Variants in AHI1 observed in about 807,000 individuals in gnomAD.
AHI1 encodes the protein Abelson helper integration site 1, also known as jouberin.
Under a neutral mutation model 149.3 loss-of-function variants are expected in AHI1, and 123 were observed. That is an observed-to-expected ratio of 0.82 (90% confidence interval 0.71 to 0.96). The LOEUF is 0.96. AHI1 is among the 40% of genes least tolerant of loss of function. AHI1 has a pLI of 0.00. For synonymous variants in AHI1, 475 were observed against 459.8 expected (o/e 1.03, Z -0.42); for missense variants, 1,439 against 1,422.7 (o/e 1.01, Z -0.18).
intron 11 of AHI1, 100 bp downstream of exon 11, chr6:135,453,241 G>C: frequency 1.1e-6 from 1 of 897,670 alleles, no homozygotes; most frequent in Non-Finnish European, 1.8e-6. Flanking sequence ...CATTACCTTA[G>C]ATTCTAATTC....
chr6:135,465,581 A>G (rs1790609584), intron 7 of AHI1, among the ~76,000 whole-genome samples: 3 of 152,188 alleles, frequency 2.0e-5, no homozygotes, highest in Admixed American at 2.0e-4. Context: ...GCAAGATAGG[A>G]AGAATATTAC....
At chr6:135,476,002 GTTTAT>G (rs1160268746) in intron 5 of AHI1, among the ~76,000 whole-genome samples, 1 of 152,136 alleles carries the variant, frequency 6.6e-6, no homozygotes, top group Non-Finnish European at 1.5e-5. Flanking sequence ...TCTATCCTGT[GTTTAT>G]TTTGTCTAAT....
rs17721436 is a variant in AHI1, at chr6:135,310,140, T to C, written c.3426+8379A>G. Among the ~76,000 whole-genome samples the C allele has an allele frequency of 1.6e-3, 251 of 152,318 alleles. 9 individuals are homozygous for C. The East Asian group carries it at 0.037, about 22-fold the overall frequency. On this transcript the variant is annotated intron_variant, in intron 26 of 28. Transcript: ENST00000265602. ...CACCATAACAAAAATCTGCACTGTCTATTATAAATTTGTTGTTGGACTTAA... is the reference window on the plus strand; with the variant it reads ...CACCATAACAAAAATCTGCACTGTCCATTATAAATTTGTTGTTGGACTTAA...
intron 5 of AHI1, among the ~76,000 whole-genome samples, chr6:135,470,225 T>A (rs2128104467): frequency 6.6e-6 from 1 of 152,256 alleles, no homozygotes; most frequent in South Asian, 2.1e-4. Context: ...AAGGTCAACA[T>A]CACTGATGGT....
chr6:135,405,047 C>G lies in AHI1; in HGVS notation c.2962-70G>C, dbSNP rs945369850. 11 of 1,308,372 alleles carry G rather than the reference C, an allele frequency of 8.4e-6. No individual in the cohort carries two copies. The African/African-American group carries it at 1.5e-4, about 17-fold the overall frequency. 81.0% of individuals were successfully genotyped at this position (1,308,372 alleles called of 1,614,324 possible). On this transcript the variant is annotated intron_variant, in intron 21 of 28. Coordinates refer to ENST00000265602, the MANE Select transcript of AHI1 (RefSeq NM_001134831.2). ...AAATATTGACTGTTTGCAAAACACT[C>G]AGATGTTTATCTTCTAATAACCTAA...
chr6:135,294,242 C>T lies in AHI1; in HGVS notation c.3486-3717G>A, dbSNP rs553574294. ...TCAGGAGGCTGAGGCAGGAGAATCA[C>T]CTGAACCCGGGAGGCGGAGGTTGTA... is the stretch of plus-strand genomic sequence containing the variant. On this transcript the variant is annotated intron_variant, in intron 27 of 28. Transcript: ENST00000265602. Among the ~76,000 whole-genome samples, 4 of 152,284 alleles carry T rather than the reference C, an allele frequency of 2.6e-5. No homozygotes were observed. In the East Asian group the frequency reaches 5.8e-4, roughly 22 times the overall value.
intron 15 of AHI1, among the ~76,000 whole-genome samples, chr6:135,434,328 G>C (rs1025359921): frequency 9.2e-5 from 14 of 151,802 alleles, no homozygotes; most frequent in Admixed American, 8.5e-4. Context: ...ACATGTTTTC[G>C]AGTAAAAATA....
intron 23 of AHI1, among the ~76,000 whole-genome samples, chr6:135,360,947 T>C (rs1386516235): frequency 6.6e-6 from 1 of 152,266 alleles, no homozygotes; most frequent in African/African-American, 2.4e-5. Context: ...ACTATTTACA[T>C]TTAATGCAAT....
intron 23 of AHI1, among the ~76,000 whole-genome samples, chr6:135,382,927 ATATAT>A (rs1379233494): frequency 3.8e-5 from 1 of 26,428 alleles, no homozygotes; most frequent in Admixed American, 6.1e-4. Context: ...AAAAAAAAAA[ATATAT>A]ATATATATAT....
At chr6:135,410,823 C>T (rs1190524092) in intron 21 of AHI1, among the ~76,000 whole-genome samples, 30 of 152,174 alleles carry the variant, frequency 2.0e-4, no homozygotes, top group Non-Finnish European at 4.4e-4. Context: ...TTTTAAGATA[C>T]GCTTTGCCTT....
chr6:135,417,861 T>C (rs981508157), intron 20 of AHI1, among the ~76,000 whole-genome samples: 1 of 152,026 alleles, frequency 6.6e-6, no homozygotes. Context: ...CCTCCACAAA[T>C]ACATACATCA....
In AHI1 at chr6:135,495,474, C is replaced by T. The variant is rs561766742; in HGVS notation, c.-55+340G>A. ...CTGAAAAATGTGCTTCCTCCTTTGT[C>T]TCTCTAACAAACTCCTCACTATCCT... On this transcript the variant is annotated intron_variant, in intron 3 of 28. Coordinates refer to ENST00000265602, the MANE Select transcript of AHI1 (RefSeq NM_001134831.2). The T allele has an allele frequency of 4.6e-5, 7 of 152,382 alleles. No individual in the cohort carries two copies. The South Asian group carries it at 1.2e-3, about 27-fold the overall frequency. 9.4% of individuals were successfully genotyped at this position (152,382 alleles called of 1,614,324 possible). A position where few individuals can be genotyped will look rare whatever the true frequency, so the allele number is the denominator to read the frequency against.
chr6:135,472,018 CAAAAAAAAAAAA>C (rs541390652), intron 5 of AHI1, among the ~76,000 whole-genome samples: 7 of 54,424 alleles, frequency 1.3e-4, no homozygotes, highest in South Asian at 1.5e-3. Context: ...GACTCCGTCT[CAAAAAAAAAAAA>C]AAAAAAAAAA....
At chr6:135,345,648 T>C (rs113868098) in intron 24 of AHI1, among the ~76,000 whole-genome samples, 1,999 of 151,978 alleles carry the variant, frequency 0.013, 45 homozygotes, top group African/African-American at 0.045. Flanking sequence ...TAGTAGTTGT[T>C]AGGGGTGAAG....
chr6:135,385,525 T>G (rs1198128028), intron 23 of AHI1, among the ~76,000 whole-genome samples: 1 of 152,198 alleles, frequency 6.6e-6, no homozygotes, highest in Non-Finnish European at 1.5e-5. Context: ...AAGGTCACTT[T>G]TGAGCTTGAA....
At chr6:135,432,852 A>G (rs1462065094) in intron 16 of AHI1, among the ~76,000 whole-genome samples, 175 bp downstream of exon 16, 3 of 152,244 alleles carry the variant, frequency 2.0e-5, no homozygotes, top group African/African-American at 7.2e-5. Flanking sequence ...TTAAAAACTT[A>G]AAAATTACAA....
At chr6:135,396,199 C>T (rs926140591) in intron 22 of AHI1, among the ~76,000 whole-genome samples, 2 of 151,624 alleles carry the variant, frequency 1.3e-5, no homozygotes, top group East Asian at 3.9e-4. Flanking sequence ...TTGGGGGGGT[C>T]AAATACCACA....
intron 23 of AHI1, among the ~76,000 whole-genome samples, chr6:135,367,989 G>A (rs1774436639): frequency 6.6e-6 from 1 of 152,184 alleles, no homozygotes; most frequent in African/African-American, 2.4e-5. Flanking sequence ...TTATGTCAGA[G>A]GGGAAGATCT....
chr6:135,491,858 G>C (rs1167111068), intron 4 of AHI1, among the ~76,000 whole-genome samples: 1 of 152,182 alleles, frequency 6.6e-6, no homozygotes, highest in African/African-American at 2.4e-5. Flanking sequence ...ACAGAGTTGA[G>C]CAGTTATAGC....
Sources: gnomAD v4.1 joint callset for allele counts (sites outside exome capture counted in the v4.1 genomes callset) on GRCh38, gnomAD v4.1.1 for gene constraint, MANE v1.5 for transcripts, NCBI Gene and HGNC (gene_info 2026-07-23, HGNC 2026-07-21) for gene names.